The following HDAC2 variants were observed in gnomAD, a reference collection of about 807,000 sequenced individuals.
HDAC2 encodes histone deacetylase 2.
HDAC2 carries 5 observed loss-of-function variants against 68.5 expected under a neutral mutation model. That is an observed-to-expected ratio of 0.07 (90% CI 0.04 to 0.15). HDAC2 has a LOEUF of 0.15. HDAC2 is among the 10% of genes least tolerant of loss of function. The pLI is 1.00. For missense variants in HDAC2, 291 were observed against 600.8 expected, an observed-to-expected ratio of 0.48 and a Z score of 5.39; for synonymous variants, 182 against 191.3, an observed-to-expected ratio of 0.95 and a Z score of 0.40.
Position 113,960,012 on chromosome 6 carries a change from A to G in HDAC2, c.59T>C (p.Ile20Thr), listed in dbSNP as rs1364453404. ...KKVCYYYDGD[I>T]GNYYYGQGHP... ...ACCCTGTCCATAATAATAATTTCCA[A>G]TATCACCTAAAATAGAAAAGACACA... Residue 20 changes from isoleucine (I) to threonine (T), a missense_variant, in exon 2 of 14, where the codon ATT becomes ACT. By Grantham distance (89) the Ile-to-Thr change is moderately conservative. Transcript: ENST00000519065. The G allele has an allele frequency of 1.4e-6, 2 of 1,463,880 alleles. No homozygotes were observed. The highest frequency in any genetic ancestry group is 2.3e-5 in the East Asian group (1 of 44,174). 90.7% of individuals were successfully genotyped at this position (1,463,880 alleles called of 1,614,324 possible).
chr6:113,943,595 T>G, intron 11 of HDAC2, 89 bp from the exon 12 acceptor site: 1 of 895,066 alleles, frequency 1.1e-6, no homozygotes, highest in Non-Finnish European at 1.6e-6. Context: ...ACTAAGCAGT[T>G]AGTTACCACA....
intron 6 of HDAC2, among the ~76,000 whole-genome samples, chr6:113,953,070 G>A (rs1406049179): frequency 6.6e-6 from 1 of 152,094 alleles, no homozygotes; most frequent in Non-Finnish European, 1.5e-5. Flanking sequence ...AAACAGCTGA[G>A]AAAAAAACTG....
chr6:113,965,150 G>A (rs998295270), intron 1 of HDAC2, among the ~76,000 whole-genome samples: 39 of 152,244 alleles, frequency 2.6e-4, no homozygotes. Flanking sequence ...TTACTACACA[G>A]TTTTGTGCAG....
At chr6:113,970,300 C>T (rs888139908) in intron 1 of HDAC2, 5 of 253,414 alleles carry the variant, frequency 2.0e-5, no homozygotes, top group Non-Finnish European at 3.1e-5. Flanking sequence ...AAGGAGAAGA[C>T]GCTCCGGCCA....
intron 1 of HDAC2, among the ~76,000 whole-genome samples, chr6:113,964,301 C>A (rs1188328884): frequency 6.6e-6 from 1 of 151,888 alleles, no homozygotes; most frequent in Non-Finnish European, 1.5e-5. Flanking sequence ...TTATTATTTT[C>A]ATCTTCCAGA....
chr6:113,938,229 G>T lies in HDAC2; in HGVS notation c.*2829C>A, dbSNP rs1719271392. On this transcript the variant is annotated 3_prime_UTR_variant, in exon 14 of 14. Transcript: ENST00000519065. The stretch of plus-strand genomic sequence containing the variant: ...TCTCTATAGCTTTTTATTTACTGAG[G>T]TTAAAGATCTTTTCATATTTACAAA... 6.6e-6 allele frequency: 1 copy of T among 152,166 alleles called. No individual in the cohort carries two copies. The highest frequency in any genetic ancestry group is 2.1e-4 in the South Asian group (1 of 4,824). The allele number at this position is 152,166 out of a possible 1,614,324, so 9.4% of individuals were successfully genotyped here.
At chr6:113,956,813 C>G (rs1372070765) in intron 3 of HDAC2, 120 bp from the exon 4 acceptor site, 1 of 674,646 alleles carries the variant, frequency 1.5e-6, no homozygotes, top group African/African-American at 1.8e-5. Flanking sequence ...ACATACACTT[C>G]ACAGTATAAT....
intron 8 of HDAC2, chr6:113,948,203 T>A (rs1582481180): frequency 6.6e-6 from 1 of 152,114 alleles, no homozygotes; most frequent in Admixed American, 6.6e-5. Context: ...ACACTTTTTA[T>A]CAGGAAGCTA....
At chr6:113,967,966 A>T (rs1361394577) in intron 1 of HDAC2, among the ~76,000 whole-genome samples, 1 of 152,240 alleles carries the variant, frequency 6.6e-6, no homozygotes. Flanking sequence ...TACCTAATCC[A>T]TCAATGTCTG....
chr6:113,937,390 T>C lies in HDAC2; in HGVS notation c.*3668A>G, dbSNP rs1776025371. 1.3e-5 allele frequency: 2 copies of C among 152,168 alleles called. No individual in the cohort carries two copies. The highest frequency in any genetic ancestry group is 3.9e-4 in the East Asian group (2 of 5,188). The allele number at this position is 152,168 out of a possible 1,614,324, so 9.4% of individuals were successfully genotyped here. On this transcript the variant is annotated 3_prime_UTR_variant, in exon 14 of 14. Transcript: ENST00000519065. ...CTGGTAGAAGGGCAAAGCTTAGATA[T>C]GATGTAACTAGCTTAGAGTACCAAT...
At chr6:113,948,306 G>C (rs1293927685) in intron 8 of HDAC2, 1 of 152,142 alleles carries the variant, frequency 6.6e-6, no homozygotes, top group Non-Finnish European at 1.5e-5. Flanking sequence ...AAAAAGCAGA[G>C]AACAGCTATG....
At chr6:113,953,512 G>A in intron 5 of HDAC2, 94 bp from the exon 6 acceptor site, 1 of 679,308 alleles carries the variant, frequency 1.5e-6, no homozygotes, top group Non-Finnish European at 2.5e-6. Context: ...TTGAGCTCTT[G>A]CATTCCAGAA....
In HDAC2 at chr6:113,933,128, T is replaced by C. The variant is rs1385263862; in HGVS notation, c.*7930A>G. 1 of 152,246 alleles carries C rather than the reference T, an allele frequency of 6.6e-6. No individual in the cohort carries two copies. The highest frequency in any genetic ancestry group is 2.4e-5 in the African/African-American group (1 of 41,468). The allele number at this position is 152,246 out of a possible 1,614,324, so 9.4% of individuals were successfully genotyped here. A position where few individuals can be genotyped will look rare whatever the true frequency, so the allele number is the denominator to read the frequency against. On this transcript the variant is annotated 3_prime_UTR_variant, in exon 14 of 14. Transcript: ENST00000519065. ...GAAATTATACGTAATTGCTAAAATG[T>C]TGACATCAAAACTTTGCAGTTTGCT...
At chr6:113,961,611 T>A (rs1310765200) in intron 1 of HDAC2, among the ~76,000 whole-genome samples, 2 of 152,094 alleles carry the variant, frequency 1.3e-5, no homozygotes, top group Non-Finnish European at 2.9e-5. Flanking sequence ...TAAGAAAGAA[T>A]CTACCATAAA....
chr6:113,954,962 T>C (rs1010275430), intron 5 of HDAC2, among the ~76,000 whole-genome samples: 4 of 152,232 alleles, frequency 2.6e-5, no homozygotes, highest in Non-Finnish European at 4.4e-5. Flanking sequence ...GATAATTTTA[T>C]ATCCATCAGT....
intron 5 of HDAC2, among the ~76,000 whole-genome samples, chr6:113,955,769 C>T (rs938234822): frequency 6.6e-6 from 1 of 152,206 alleles, no homozygotes; most frequent in Non-Finnish European, 1.5e-5. Context: ...CCTCAGCCTC[C>T]CAAAGTGGAG....
intron 6 of HDAC2, among the ~76,000 whole-genome samples, chr6:113,950,061 G>A (rs569843706): frequency 7.2e-5 from 11 of 152,130 alleles, no homozygotes; most frequent in Admixed American, 2.6e-4. Flanking sequence ...GATTACAGGC[G>A]TGAGCTATGG....
Position 113,945,988 on chromosome 6 carries a change from A to ATTG in HDAC2, c.982+17_982+19dup, listed in dbSNP as rs1452057214. On this transcript the variant is annotated intron_variant, in intron 9 of 13. Coordinates refer to ENST00000519065, the MANE Select transcript of HDAC2 (RefSeq NM_001527.4). ...TATTGACAGTTCATACAATAAAGAT[A>ATTG]TTGTAATGAGAACACTTACCATTGG... The ATTG allele has an allele frequency of 6.3e-7, 1 of 1,592,864 alleles. No individual in the cohort carries two copies.
At chr6:113,970,581 C>T in intron 1 of HDAC2, 6 of 1,261,782 alleles carry the variant, frequency 4.8e-6, no homozygotes, top group Non-Finnish European at 6.0e-6. Context: ...TCCCCAGCGG[C>T]GGCCACCTTC....
Sources: gnomAD v4.1 joint callset for allele counts (sites outside exome capture counted in the v4.1 genomes callset) on GRCh38, gnomAD v4.1.1 for gene constraint, MANE v1.5 for transcripts, NCBI Gene and HGNC (gene_info 2026-07-23, HGNC 2026-07-21) for gene names.